The following FGF10 variants were observed in gnomAD, a reference collection of about 807,000 sequenced individuals.
The protein encoded by FGF10 is fibroblast growth factor 10, also known as FGF-10.
A neutral mutation model predicts 19.8 loss-of-function variants in FGF10; 2 were observed. The observed-to-expected ratio is 0.10, with a 90% CI of 0.04 to 0.32. The LOEUF (loss-of-function observed/expected upper bound fraction) is 0.32, where lower values mean the gene tolerates loss of function less well. FGF10 is among the 10% of genes least tolerant of loss of function. The probability of loss-of-function intolerance (pLI) is 1.00; values close to 1 mark genes in which losing one functional copy is unlikely to be tolerated. For missense variants in FGF10, 191 were observed against 246.3 expected, an observed-to-expected ratio of 0.78 and a Z score of 1.50; for synonymous variants, 112 against 94.0, an observed-to-expected ratio of 1.19 and a Z score of -1.10.
At chr5:44,359,272 AG>A (rs1180491818) in intron 1 of FGF10, among the ~76,000 whole-genome samples, 2 of 151,518 alleles carry the variant, frequency 1.3e-5, no homozygotes, top group Non-Finnish European at 3.0e-5. Context: ...TGGAAGAAAA[AG>A]TTATATTGGC....
intron 2 of FGF10, among the ~76,000 whole-genome samples, chr5:44,306,591 T>C (rs922473797): frequency 5.9e-5 from 9 of 152,240 alleles, no homozygotes; most frequent in Non-Finnish European, 7.3e-5. Context: ...TGAGACTTTT[T>C]GAAATTTCTA....
Position 44,385,242 on chromosome 5 carries a change from CA to C in FGF10, c.325+3115del, listed in dbSNP as rs541148324. Among the ~76,000 whole-genome samples the C allele has an allele frequency of 2.9e-3, 443 of 152,218 alleles. 3 individuals carry two copies. The highest frequency in any genetic ancestry group is 2.6e-3 in the Non-Finnish European group (178 of 67,952). On this transcript the variant is annotated intron_variant, in intron 1 of 2. Coordinates refer to ENST00000264664, the MANE Select transcript of FGF10 (RefSeq NM_004465.2). ...CTACTCTCATATCATGGCAAAGAAG[CA>C]AACAAAAAGTATAGCCCCCCACCCT...
chr5:44,383,506 T>C (rs1284899034), intron 1 of FGF10, among the ~76,000 whole-genome samples: 1 of 152,124 alleles, frequency 6.6e-6, no homozygotes, highest in Non-Finnish European at 1.5e-5. Flanking sequence ...ACCTAGAATT[T>C]GGTGTCTCTG....
chr5:44,317,414 G>C (rs1740375519), intron 1 of FGF10, among the ~76,000 whole-genome samples: 1 of 152,146 alleles, frequency 6.6e-6, no homozygotes, highest in South Asian at 2.1e-4. Context: ...TTATTGATGA[G>C]TACAGTGGCA....
At chr5:44,385,771 G>A (rs1321469792) in intron 1 of FGF10, among the ~76,000 whole-genome samples, 3 of 152,234 alleles carry the variant, frequency 2.0e-5, no homozygotes, top group East Asian at 1.9e-4. Flanking sequence ...ATTATGCAAC[G>A]TTTAGACAAT....
At chr5:44,312,837 A>G (rs1726150244) in intron 1 of FGF10, among the ~76,000 whole-genome samples, 1 of 152,110 alleles carries the variant, frequency 6.6e-6, no homozygotes, top group Non-Finnish European at 1.5e-5. Flanking sequence ...AATATTTGTG[A>G]AGGTGCATGC....
chr5:44,314,961 G>A (rs928634834), intron 1 of FGF10, among the ~76,000 whole-genome samples: 1 of 152,064 alleles, frequency 6.6e-6, no homozygotes, highest in East Asian at 1.9e-4. Flanking sequence ...TGAAAAATAA[G>A]TGCAAAATCC....
chr5:44,361,327 C>A (rs1741477596), intron 1 of FGF10, among the ~76,000 whole-genome samples: 1 of 151,692 alleles, frequency 6.6e-6, no homozygotes, highest in African/African-American at 2.4e-5. Context: ...TTCAGGCACT[C>A]ATGAGAGCTT....
intron 1 of FGF10, among the ~76,000 whole-genome samples, chr5:44,336,901 C>T (rs758965356): frequency 5.9e-5 from 9 of 152,040 alleles, no homozygotes; most frequent in Non-Finnish European, 1.0e-4. Flanking sequence ...AGACAAAGAG[C>T]GCTTACTAAC....
At chr5:44,380,484 A>G (rs1466141699) in intron 1 of FGF10, among the ~76,000 whole-genome samples, 9 of 152,224 alleles carry the variant, frequency 5.9e-5, no homozygotes, top group Non-Finnish European at 7.3e-5. Flanking sequence ...TTCACCTGAC[A>G]TACATATACC....
At chr5:44,323,167 A>T (rs796806680) in intron 1 of FGF10, among the ~76,000 whole-genome samples, 5 of 152,244 alleles carry the variant, frequency 3.3e-5, no homozygotes, top group East Asian at 1.9e-4. Context: ...GAAATGTCCT[A>T]TTTTTGCCAC....
chr5:44,360,778 T>A (rs1431765512), intron 1 of FGF10, among the ~76,000 whole-genome samples: 2 of 151,624 alleles, frequency 1.3e-5, no homozygotes, highest in South Asian at 2.1e-4. Flanking sequence ...ATGATGACAA[T>A]CATTAACACT....
intron 1 of FGF10, among the ~76,000 whole-genome samples, chr5:44,339,708 G>A (rs2330545): frequency 0.53 from 80,961 of 151,868 alleles, 23,832 homozygotes; most frequent in Non-Finnish European, 0.67. Context: ...TATCTTTAAT[G>A]TCATGCTTTC....
chr5:44,302,775 G>T lies in FGF10; in HGVS notation c.*2220C>A, dbSNP rs1739993391. ...GCTAGAAGCTGTTTTAGTGTCTTGA[G>T]TACTATAATGATGACTGTTTACACA... On this transcript the variant is annotated 3_prime_UTR_variant, in exon 3 of 3. Coordinates refer to ENST00000264664, the MANE Select transcript of FGF10 (RefSeq NM_004465.2). Among the ~76,000 whole-genome samples, 1 of 149,290 alleles carries T rather than the reference G, an allele frequency of 6.7e-6. No homozygotes were observed. The highest frequency in any genetic ancestry group is 1.5e-5 in the Non-Finnish European group (1 of 66,048).
chr5:44,352,089 T>C (rs747430193), intron 1 of FGF10, among the ~76,000 whole-genome samples: 8 of 151,600 alleles, frequency 5.3e-5, no homozygotes, highest in Non-Finnish European at 1.2e-4. Context: ...ATTAGAAGCA[T>C]AGTCCATGAA....
chr5:44,364,149 G>C (rs540814080), intron 1 of FGF10, among the ~76,000 whole-genome samples: 1 of 151,954 alleles, frequency 6.6e-6, no homozygotes, highest in Non-Finnish European at 1.5e-5. Context: ...AAGAAAAAAA[G>C]AAATAGCATT....
At chr5:44,338,791 T>A (rs2111781367) in intron 1 of FGF10, among the ~76,000 whole-genome samples, 1 of 152,138 alleles carries the variant, frequency 6.6e-6, no homozygotes, top group Non-Finnish European at 1.5e-5. Flanking sequence ...TAATTTGTTC[T>A]GTTTTAAGTA....
intron 1 of FGF10, among the ~76,000 whole-genome samples, chr5:44,312,358 G>T (rs942856574): frequency 2.6e-5 from 4 of 152,030 alleles, no homozygotes; most frequent in African/African-American, 9.7e-5. Flanking sequence ...AGGTGGTAAG[G>T]TGATAAAGGT....
At chr5:44,388,013 G>A (rs1486191153) in intron 1 of FGF10, among the ~76,000 whole-genome samples, 1 of 152,070 alleles carries the variant, frequency 6.6e-6, no homozygotes, top group Non-Finnish European at 1.5e-5. Context: ...ATTGCTCTTT[G>A]GATGAGGTGG....
Sources: gnomAD v4.1 joint callset for allele counts (sites outside exome capture counted in the v4.1 genomes callset) on GRCh38, gnomAD v4.1.1 for gene constraint, MANE v1.5 for transcripts, NCBI Gene and HGNC (gene_info 2026-07-23, HGNC 2026-07-21) for gene names.